The following NUP188 variants were observed in gnomAD, a reference collection of about 807,000 sequenced individuals.
The protein encoded by NUP188 is nucleoporin 188, also known as nucleoporin NUP188.
A neutral mutation model predicts 223.0 loss-of-function variants in NUP188; 97 were observed. That is an observed-to-expected ratio of 0.43 (90% CI 0.37 to 0.51). The LOEUF is 0.51. Ranked by LOEUF, NUP188 falls within the 20% of genes least tolerant of loss-of-function variation. The pLI is 0.00. For missense variants in NUP188, 1,947 were observed against 2,175.6 expected (o/e 0.89, Z 2.09); for synonymous variants, 869 against 828.0 (o/e 1.05, Z -0.85).
intron 20 of NUP188, among the ~76,000 whole-genome samples, chr9:128,985,899 C>T (rs752031151): frequency 1.3e-5 from 2 of 151,892 alleles, no homozygotes; most frequent in Non-Finnish European, 2.9e-5. Flanking sequence ...ATTAGCTGGG[C>T]GTGGTGGTGG....
intron 10 of NUP188, among the ~76,000 whole-genome samples, chr9:128,970,351 G>T (rs1436976253): frequency 6.6e-6 from 1 of 152,122 alleles, no homozygotes; most frequent in African/African-American, 2.4e-5. Flanking sequence ...GGACAAAAGA[G>T]GCCCAAGGAG....
Position 128,987,730 on chromosome 9 carries a change from C to G in NUP188, c.2393+13C>G, listed in dbSNP as rs1360924584. The G allele has an allele frequency of 6.2e-7, 1 of 1,610,024 alleles. No individual in the cohort carries two copies. Reference sequence around the variant, plus strand: ...CTCAGCCTCGAAGGTAGGGCTCCTTCTCCACGTTCCCTTTGTCTGTCTTTA... The same window carrying G: ...CTCAGCCTCGAAGGTAGGGCTCCTTGTCCACGTTCCCTTTGTCTGTCTTTA... On this transcript the variant is annotated intron_variant, in intron 23 of 43. Transcript: ENST00000372577.
Position 129,005,174 on chromosome 9 carries a change from T to C in NUP188, c.4462T>C (p.Cys1488Arg). 10 of 1,614,152 alleles carry C rather than the reference T, an allele frequency of 6.2e-6. No individual in the cohort carries two copies. Among genetic ancestry groups the C allele is most frequent in the Non-Finnish European group, 8.5e-6 (10 of 1,179,986 alleles). Residue 1488 changes from cysteine (C) to arginine (R), a missense_variant, in exon 39 of 44, where the codon TGT (cysteine) becomes CGT (arginine). Physicochemically the swap from Cys to Arg is radical, Grantham distance 180. Transcript: ENST00000372577. ...QVNLGYLCQA[C>R]TSLLHSRKML... ...CAACCTGGGTTACTTGTGCCAGGCATGTACCTCTCTCCTGCACAGTCGAAA... is the reference window on the plus strand; with the variant it reads ...CAACCTGGGTTACTTGTGCCAGGCACGTACCTCTCTCCTGCACAGTCGAAA...
rs560083484 is a variant in NUP188, at chr9:128,964,942, G to A, written c.586-3564G>A. 2.0e-5 allele frequency among the ~76,000 whole-genome samples: 3 copies of A among 152,112 alleles called. No individual in the cohort carries two copies. In the South Asian group the frequency reaches 6.2e-4, roughly 32 times the overall value. ...AGGCTAGTCTCACTCCTGACCTCAG[G>A]TCATCCACCCGTCTCGGCCTCCCAG... On this transcript the variant is annotated intron_variant, in intron 8 of 43. Transcript: ENST00000372577.
At chr9:128,992,531 T>TACC (rs1385555080) in intron 25 of NUP188, among the ~76,000 whole-genome samples, 1 of 152,222 alleles carries the variant, frequency 6.6e-6, no homozygotes, top group Non-Finnish European at 1.5e-5. Flanking sequence ...CTTTACTTGA[T>TACC]ACCATATCAG....
At chr9:128,967,402 C>T (rs1842045337) in intron 8 of NUP188, among the ~76,000 whole-genome samples, 1 of 152,126 alleles carries the variant, frequency 6.6e-6, no homozygotes, top group East Asian at 1.9e-4. Flanking sequence ...GGCCTGTAAT[C>T]CCACCACTTT....
Position 128,959,080 on chromosome 9 carries a change from C to T in NUP188, c.531C>T (p.Phe177=), listed in dbSNP as rs532359135. 4.4e-6 allele frequency: 7 copies of T among 1,602,778 alleles called. No individual in the cohort carries two copies. The highest frequency in any genetic ancestry group is 2.2e-5 in the South Asian group (2 of 89,164). Reference sequence around the variant, plus strand: ...TAGTTTCAAAATACAGACAGCAGTTCGAAGAGCTTTATAAAACTGAAGCAC... The same window carrying T: ...TAGTTTCAAAATACAGACAGCAGTTTGAAGAGCTTTATAAAACTGAAGCAC... ...KELVSKYRQQ[F]EELYKTEAPT... is the part of the protein sequence containing the mutation. Residue 177 remains phenylalanine (F), a synonymous_variant, in exon 8 of 44, where the codon TTC becomes TTT. Transcript: ENST00000372577.
intron 32 of NUP188, 86 bp downstream of exon 32, chr9:128,998,709 G>A: frequency 1.8e-6 from 2 of 1,089,286 alleles, no homozygotes; most frequent in African/African-American, 1.5e-5. Context: ...GAAATAGTGG[G>A]TGGAAGCTGG....
At chr9:128,976,014 T>C in intron 12 of NUP188, among the ~76,000 whole-genome samples, 1 of 150,262 alleles carries the variant, frequency 6.7e-6, no homozygotes, top group South Asian at 2.1e-4. Flanking sequence ...GTAGAGACAG[T>C]GTTTCCCCTT....
In NUP188 at chr9:128,981,332, C is replaced by T; in HGVS notation, c.1458C>T (p.Ile486=). 6.2e-7 allele frequency: 1 copy of T among 1,613,754 alleles called. No homozygotes were observed. Among genetic ancestry groups the T allele is most frequent in the Non-Finnish European group, 8.5e-7 (1 of 1,179,722 alleles). The change falls in exon 15 of 44, where the codon ATC becomes ATT. Residue 486 remains isoleucine, a synonymous_variant. Coordinates refer to ENST00000372577, the MANE Select transcript of NUP188 (RefSeq NM_015354.3). The part of the protein sequence containing the change: ...ELYKHKPHDV[I]SHEDGTLWRR... ...ATAAACACAAGCCTCATGATGTGATCTCCCATGAAGATGGAACTCTTTGGC... is the reference window on the plus strand; with the variant it reads ...ATAAACACAAGCCTCATGATGTGATTTCCCATGAAGATGGAACTCTTTGGC...
At position 129,005,132 on chromosome 9, in the gene NUP188, C is replaced by T; in HGVS notation, c.4435-15C>T. 6.2e-7 allele frequency: 1 copy of T among 1,606,904 alleles called. No individual in the cohort carries two copies. The highest frequency in any genetic ancestry group is 8.5e-7 in the Non-Finnish European group (1 of 1,173,422). ...TGACAAGAGAATCCGCTCATCTCTC[C>T]TGTGTCTCTCCCAGGTCAACCTGGG... On this transcript the variant is annotated splice_polypyrimidine_tract_variant and intron_variant, in intron 38 of 43. Coordinates refer to ENST00000372577, the MANE Select transcript of NUP188 (RefSeq NM_015354.3).
intron 24 of NUP188, among the ~76,000 whole-genome samples, chr9:128,988,586 A>AT (rs942836702): frequency 4.6e-5 from 7 of 150,834 alleles, no homozygotes; most frequent in African/African-American, 1.7e-4. Flanking sequence ...TGGGTTTCAG[A>AT]TTTTTTTTTC....
At chr9:128,986,478 G>A in intron 20 of NUP188, 80 bp from the exon 21 acceptor site, 1 of 1,450,512 alleles carries the variant, frequency 6.9e-7, no homozygotes, top group South Asian at 1.3e-5. Context: ...ACCTATCTAT[G>A]GTTTTGGAAT....
rs952617048 is a variant in NUP188, at chr9:129,001,910, C to T, written c.4071C>T (p.Gly1357=). 9.9e-6 allele frequency: 16 copies of T among 1,613,986 alleles called. No individual in the cohort carries two copies. The Admixed American group carries it at 1.8e-4, about 18-fold the overall frequency. Residue 1357 remains glycine (G), a synonymous_variant, in exon 36 of 44, where the codon GGC becomes GGT. Transcript: ENST00000372577. ...GAGCCACAGCAGTGGCTGGAGCTGG[C>T]ATCACCCAGAGCATTTGTTTGCCCC... ...QQGATAVAGA[G]ITQSICLPLL... is the part of the protein sequence containing the mutation.
rs1564550338 is a variant in NUP188, at chr9:128,957,032, G to A, written c.327G>A (p.Lys109=). The A allele has an allele frequency of 6.2e-7, 1 of 1,602,176 alleles. No individual in the cohort carries two copies. The highest frequency in any genetic ancestry group is 2.2e-5 in the East Asian group (1 of 44,606). Residue 109 remains lysine, a splice_region_variant and synonymous_variant, in exon 5 of 44, where the codon AAG becomes AAA. Transcript: ENST00000372577. The stretch of plus-strand genomic sequence containing the variant: ...ACAGGGGTACTCGGGACTCAGTAAA[G>A]GTTTGTGGTTTATGTCAGCTCCTTT... ...EDYRGTRDSV[K]TVLQDERQSQ... is the part of the protein sequence containing the mutation.
intron 16 of NUP188, 50 bp downstream of exon 16, chr9:128,982,751 G>A: frequency 1.9e-6 from 3 of 1,601,930 alleles, no homozygotes; most frequent in Non-Finnish European, 1.7e-6. Context: ...AAGTGGATAT[G>A]CTTGGAGGAT....
intron 3 of NUP188, among the ~76,000 whole-genome samples, chr9:128,955,844 T>C (rs1249266541): frequency 1.3e-5 from 2 of 151,992 alleles, no homozygotes; most frequent in South Asian, 4.2e-4. Flanking sequence ...TACCTCCTGC[T>C]GTTGGAGTAT....
intron 19 of NUP188, 89 bp from the exon 20 acceptor site, chr9:128,984,811 T>C: frequency 1.2e-6 from 1 of 809,508 alleles, no homozygotes; most frequent in Admixed American, 2.5e-5. Context: ...ATTCAAGTCA[T>C]CTAGACTATA....
At chr9:128,981,471 G>A in intron 15 of NUP188, 81 bp downstream of exon 15, 2 of 1,410,780 alleles carry the variant, frequency 1.4e-6, no homozygotes, top group Non-Finnish European at 1.9e-6. Flanking sequence ...GGAGTGCAGT[G>A]GCAAGATCAT....
Sources: gnomAD v4.1 joint callset for allele counts (sites outside exome capture counted in the v4.1 genomes callset) on GRCh38, gnomAD v4.1.1 for gene constraint, MANE v1.5 for transcripts, NCBI Gene and HGNC (gene_info 2026-07-23, HGNC 2026-07-21) for gene names.